The following TBC1D1 variants were observed in gnomAD, a reference collection of about 807,000 sequenced individuals.
TBC1D1 encodes the protein TBC1 (tre-2/USP6, BUB2, cdc16) domain family, member 1.
TBC1D1 carries 89 observed loss-of-function variants against 125.6 expected under a neutral mutation model. The ratio of observed to expected loss-of-function variants is 0.71; its 90% CI spans 0.60 to 0.85. The LOEUF (loss-of-function observed/expected upper bound fraction) is 0.85. Among genes scored for constraint, TBC1D1 ranks in the 40% least tolerant of loss-of-function variants. The pLI, the probability that TBC1D1 is intolerant of heterozygous loss-of-function variation, is 0.00. For missense variants in TBC1D1, 1,377 were observed against 1,469.2 expected (o/e 0.94, Z 1.03); for synonymous variants, 565 against 564.1 (o/e 1.00, Z -0.02).
chr4:38,115,978 T>C (rs1413865088), intron 16 of TBC1D1, 24 bp downstream of exon 18: 19 of 1,606,556 alleles, frequency 1.2e-5, no homozygotes, highest in Non-Finnish European at 1.6e-5. Context: ...CTTATGTCTT[T>C]AATACAACAA....
At chr4:38,049,249 G>A (rs769085777) in intron 10 of TBC1D1, among the ~76,000 whole-genome samples, 7 of 152,150 alleles carry the variant, frequency 4.6e-5, no homozygotes, top group Non-Finnish European at 7.4e-5. Flanking sequence ...TAAAGAACTT[G>A]GTTAAGCAGT....
At chr4:38,038,326 T>C (rs887843206) in intron 8 of TBC1D1, among the ~76,000 whole-genome samples, 4 of 152,182 alleles carry the variant, frequency 2.6e-5, no homozygotes, top group Non-Finnish European at 5.9e-5. Context: ...TTCAAACATA[T>C]AGAAAAGTTG....
intron 2 of TBC1D1, among the ~76,000 whole-genome samples, chr4:37,971,508 C>A (rs907947771): frequency 1.3e-5 from 2 of 152,106 alleles, no homozygotes; most frequent in African/African-American, 4.8e-5. Context: ...GGAAATCACC[C>A]CCATGATTCA....
intron 15 of TBC1D1, among the ~76,000 whole-genome samples, chr4:38,107,580 T>TTTTG (rs1553939898): frequency 7.2e-6 from 1 of 139,394 alleles, no homozygotes; most frequent in South Asian, 2.5e-4. Context: ...TAAACAGGTT[T>TTTTG]TTTTTTTTTT....
rs749840633 is a variant in TBC1D1 at position 38,118,243 on chromosome 4, G to A, written c.2962+51G>A. On this transcript the variant is annotated intron_variant, in intron 17 of 19. Coordinates refer to ENST00000261439, the MANE Select transcript of TBC1D1 (RefSeq NM_015173.4). ...AGAACCAGCCTTCTCTTATTAGAGG[G>A]GAAACATTTCCTGTCTCTCCGTGGT... 2.6e-5 allele frequency: 42 copies of A among 1,592,302 alleles called. 1 individual carries two copies. The South Asian group carries it at 3.7e-4, about 14-fold the overall frequency.
Position 37,977,602 on chromosome 4 carries a change from C to T in TBC1D1, c.418-36907C>T. On this transcript the variant is annotated intron_variant, in intron 2 of 19. Coordinates refer to ENST00000261439, the MANE Select transcript of TBC1D1 (RefSeq NM_015173.4). The surrounding 1 kb of genome is among the most constrained non-coding windows in gnomAD (Gnocchi z 4.3). ...GCGGGGCTGGAACATTTGTAACCTT[C>T]GGGCCGGGGCTGGGCCGGGCCGCTG... 1 of 447,184 alleles carries T rather than the reference C, an allele frequency of 2.2e-6. No individual in the cohort carries two copies. The highest frequency in any genetic ancestry group is 3.0e-6 in the Non-Finnish European group (1 of 330,456). The allele number at this position is 447,184 out of a possible 1,614,324, so 27.7% of individuals were successfully genotyped here.
At chr4:37,990,667 C>T (rs1736361152) in intron 2 of TBC1D1, among the ~76,000 whole-genome samples, 1 of 152,108 alleles carries the variant, frequency 6.6e-6, no homozygotes, top group Admixed American at 6.5e-5. Context: ...GAATATAATA[C>T]ATAGGGATTT....
At chr4:38,073,579 A>G (rs548848920) in intron 12 of TBC1D1, among the ~76,000 whole-genome samples, 2 of 152,012 alleles carry the variant, frequency 1.3e-5, no homozygotes, top group African/African-American at 4.8e-5. Context: ...GAGTTATTTG[A>G]TTTTCTACTG....
intron 17 of TBC1D1, among the ~76,000 whole-genome samples, chr4:38,122,144 T>G (rs1182544406): frequency 6.6e-6 from 1 of 152,168 alleles, no homozygotes; most frequent in Admixed American, 6.5e-5. Context: ...CAGCAGGCAT[T>G]TGGGAGTCTC....
At chr4:37,991,267 C>T (rs1181625617) in intron 2 of TBC1D1, among the ~76,000 whole-genome samples, 3 of 51,296 alleles carry the variant, frequency 5.8e-5, no homozygotes, top group Non-Finnish European at 7.3e-5. Context: ...TATTGTCCTT[C>T]TCAAAAACAT....
rs750580743 is a variant in TBC1D1, at chr4:38,021,667, T to C, written c.1159T>C (p.Cys387Arg). Reference sequence around the variant, plus strand: ...GACAGCTAAGGCGCCAGCCCAGCTGTGTGAGGGCTGCCCCCTGCAAAGCCT... The same window carrying C: ...GACAGCTAAGGCGCCAGCCCAGCTGCGTGAGGGCTGCCCCCTGCAAAGCCT... The change falls in exon 6 of 20, where the codon TGT becomes CGT. Residue 387 changes from cysteine to arginine, a missense_variant. By Grantham distance (180) the Cys-to-Arg change is radical (BLOSUM62 -3). This residue lies in a region of TBC1D1 where 822 missense variants were observed against 824.6 expected (regional missense o/e 1.00). Coordinates refer to ENST00000261439, the MANE Select transcript of TBC1D1 (RefSeq NM_015173.4). The C allele has an allele frequency of 1.3e-6, 2 of 1,598,468 alleles. No individual in the cohort carries two copies. Among genetic ancestry groups the C allele is most frequent in the East Asian group, 2.3e-5 (1 of 43,990 alleles).
chr4:37,978,383 G>C (rs1560561005), intron 2 of TBC1D1, among the ~76,000 whole-genome samples: 1 of 152,216 alleles, frequency 6.6e-6, no homozygotes, highest in Non-Finnish European at 1.5e-5. Context: ...CGCCTTCCCA[G>C]GGCTTGTTTC....
intron 15 of TBC1D1, among the ~76,000 whole-genome samples, chr4:38,104,413 C>T (rs1247536115): frequency 1.3e-5 from 2 of 152,192 alleles, no homozygotes; most frequent in South Asian, 2.1e-4. Context: ...TGGCCATGCA[C>T]AGGGCCAGGT....
intron 14 of TBC1D1, among the ~76,000 whole-genome samples, chr4:38,099,274 A>C (rs773874105): frequency 2.6e-5 from 4 of 152,242 alleles, no homozygotes; most frequent in Non-Finnish European, 4.4e-5. Flanking sequence ...AAATGACACC[A>C]TAAGTAGATC....
At chr4:38,011,653 C>T (rs1038896310) in intron 2 of TBC1D1, among the ~76,000 whole-genome samples, 2 of 152,188 alleles carry the variant, frequency 1.3e-5, no homozygotes, top group African/African-American at 4.8e-5. Flanking sequence ...AATGACGGGG[C>T]ACACCTTACC....
chr4:38,116,022 G>A, intron 16 of TBC1D1, 68 bp downstream of exon 18: 2 of 1,558,352 alleles, frequency 1.3e-6, no homozygotes. Context: ...CTCTCCAGAT[G>A]TGCCTCAGGA....
At chr4:38,115,456 C>G (rs562370359) in intron 15 of TBC1D1, among the ~76,000 whole-genome samples, 23 of 152,256 alleles carry the variant, frequency 1.5e-4, no homozygotes, top group South Asian at 8.3e-4. Context: ...GAAGGTAGTT[C>G]TGATTACTTT....
At chr4:37,940,267 T>G (rs375296942) in intron 2 of TBC1D1, among the ~76,000 whole-genome samples, 6 of 152,196 alleles carry the variant, frequency 3.9e-5, no homozygotes, top group Admixed American at 6.5e-5. Flanking sequence ...TCCTAGGTAT[T>G]TTATTCTCTT....
intron 2 of TBC1D1, among the ~76,000 whole-genome samples, chr4:37,991,630 T>C (rs1736582864): frequency 1.1e-5 from 1 of 94,752 alleles, no homozygotes; most frequent in Non-Finnish European, 2.0e-5. Context: ...AGCTCTTCTC[T>C]CTCTTTTTTT....
Sources: allele counts gnomAD v4.1 joint callset (sites outside exome capture counted in the v4.1 genomes callset), GRCh38; gene constraint gnomAD v4.1.1; regional missense constraint gnomAD v4.1.1; non-coding constraint Gnocchi (gnomAD v3.1); transcripts MANE v1.5; gene names NCBI Gene and HGNC (gene_info 2026-07-23, HGNC 2026-07-21).